COL22A1: variants seen among roughly 807,000 people sequenced by gnomAD.
COL22A1 encodes the protein collagen alpha-1(XXII) chain.
In COL22A1, 221 loss-of-function variants were observed where a neutral mutation model predicts 248.9. The observed-to-expected ratio is 0.89, with a 90% CI of 0.80 to 0.99. COL22A1 has a LOEUF of 0.99. COL22A1 is among the 50% of genes least tolerant of loss of function. The probability of loss-of-function intolerance (pLI) is 0.00; values close to 1 mark genes in which losing one functional copy is unlikely to be tolerated. For synonymous variants in COL22A1, 891 were observed against 793.4 expected (o/e 1.12, Z -2.07); for missense variants, 2,240 against 2,179.0 (o/e 1.03, Z -0.56).
intron 64 of COL22A1, 28 bp downstream of exon 64, chr8:138,591,396 A>G (rs1817029249): frequency 1.3e-6 from 2 of 1,543,504 alleles, no homozygotes; most frequent in African/African-American, 2.8e-5. Context: ...CTCACACCCT[A>G]CCCCTGAGAC....
chr8:138,762,678 A>G lies in COL22A1; in HGVS notation c.1804-212T>C, dbSNP rs541022080. ...GTCTAGGGTCAGAACAACTAGAGTCATCCCTCTGCTTTTCACTTTTCAAAT... is the reference window on the plus strand; with the variant it reads ...GTCTAGGGTCAGAACAACTAGAGTCGTCCCTCTGCTTTTCACTTTTCAAAT... On this transcript the variant is annotated intron_variant, in intron 16 of 64. Coordinates refer to ENST00000303045, the MANE Select transcript of COL22A1 (RefSeq NM_152888.3). 4.6e-5 allele frequency among the ~76,000 whole-genome samples: 7 copies of G among 152,270 alleles called. No homozygotes were observed. In the South Asian group the frequency reaches 1.4e-3, roughly 32 times the overall value.
chr8:138,704,284 C>T (rs1374344263), intron 30 of COL22A1, among the ~76,000 whole-genome samples: 1 of 152,170 alleles, frequency 6.6e-6, no homozygotes, highest in Non-Finnish European at 1.5e-5. Context: ...TAGTGGTTCT[C>T]CCAGCACGGA....
chr8:138,700,795 T>G (rs546596603), intron 31 of COL22A1, among the ~76,000 whole-genome samples: 19 of 152,110 alleles, frequency 1.2e-4, no homozygotes, highest in Non-Finnish European at 2.2e-4. Flanking sequence ...CCGCCCTGGC[T>G]AACATGGTGA....
chr8:138,642,550 G>A (rs1244653571), intron 47 of COL22A1, among the ~76,000 whole-genome samples: 2 of 152,158 alleles, frequency 1.3e-5, no homozygotes, highest in Non-Finnish European at 2.9e-5. Context: ...CTGGATGGAA[G>A]CTTTCTGTTC....
intron 63 of COL22A1, 146 bp from the exon 64 acceptor site, chr8:138,591,647 G>A (rs534772384): frequency 1.2e-4 from 60 of 495,328 alleles, no homozygotes; most frequent in Admixed American, 6.3e-4. Flanking sequence ...CACTCATGCC[G>A]CACAGGACCC....
intron 8 of COL22A1, among the ~76,000 whole-genome samples, chr8:138,812,659 C>T (rs1186530269): frequency 6.6e-6 from 1 of 151,866 alleles, no homozygotes; most frequent in Non-Finnish European, 1.5e-5. Context: ...ATTAGAAACA[C>T]CCTCCCAGCC....
chr8:138,691,026 C>T (rs1405445407), intron 35 of COL22A1, 152 bp from the exon 36 acceptor site: 9 of 577,418 alleles, frequency 1.6e-5, no homozygotes, highest in Middle Eastern at 2.7e-4. Flanking sequence ...ACCTCCTCTC[C>T]GGAGGGCTGT....
chr8:138,867,742 GTAT>G (rs1823005429), intron 3 of COL22A1, among the ~76,000 whole-genome samples: 1 of 152,172 alleles, frequency 6.6e-6, no homozygotes, highest in Non-Finnish European at 1.5e-5. Flanking sequence ...AGAGTAGGTA[GTAT>G]TATTATTGTA....
chr8:138,688,034 G>A (rs972714001), intron 37 of COL22A1, among the ~76,000 whole-genome samples: 1 of 152,196 alleles, frequency 6.6e-6, no homozygotes, highest in African/African-American at 2.4e-5. Context: ...TCCAAACGCT[G>A]AATCATTCAA....
In COL22A1 at chr8:138,663,705, C is replaced by T. The variant is rs371517268; in HGVS notation, c.3186G>A (p.Pro1062=). 3.0e-5 allele frequency: 48 copies of T among 1,607,680 alleles called. No homozygotes were observed. The highest frequency in any genetic ancestry group is 3.3e-4 in the Middle Eastern group (2 of 6,050). The change falls in exon 42 of 65, where the codon CCG becomes CCA. Residue 1062 remains proline (P), a splice_region_variant and synonymous_variant. Transcript: ENST00000303045. ...PSGPPGDKGS[P]GSRGLPGFPG... ...TCCCTTTATTTAAAGCATACTGTAC[C>T]GGGGATCCTTTGTCTCCTGGTGGTC...
intron 59 of COL22A1, among the ~76,000 whole-genome samples, chr8:138,603,907 C>T (rs1435028564): frequency 6.6e-6 from 1 of 152,210 alleles, no homozygotes; most frequent in African/African-American, 2.4e-5. Flanking sequence ...CATAGACCTA[C>T]TTTCTCTGCA....
intron 3 of COL22A1, among the ~76,000 whole-genome samples, chr8:138,849,858 T>C (rs1326093088): frequency 6.6e-6 from 1 of 151,896 alleles, no homozygotes; most frequent in Non-Finnish European, 1.5e-5. Context: ...TCTTAACCAC[T>C]ATCCACAATC....
At chr8:138,605,461 T>C (rs1446922268) in intron 58 of COL22A1, among the ~76,000 whole-genome samples, 5 of 152,150 alleles carry the variant, frequency 3.3e-5, no homozygotes, top group African/African-American at 1.2e-4. Context: ...AGACTTGGCC[T>C]TTAGCAAGGG....
Position 138,872,956 on chromosome 8 carries a change from C to T in COL22A1, c.658+4794G>A, listed in dbSNP as rs1442680327. Among the ~76,000 whole-genome samples the T allele has an allele frequency of 5.3e-5, 8 of 152,286 alleles. No individual in the cohort carries two copies. The East Asian group carries it at 1.5e-3, about 29-fold the overall frequency. The stretch of plus-strand genomic sequence containing the variant: ...GTAAAATGGGGATATTGATTTTTTT[C>T]CAAGTTCGTTTCAGTCATTCATTCA... On this transcript the variant is annotated intron_variant, in intron 3 of 64. Coordinates refer to ENST00000303045, the MANE Select transcript of COL22A1 (RefSeq NM_152888.3).
intron 63 of COL22A1, among the ~76,000 whole-genome samples, chr8:138,591,809 C>T (rs1057042792): frequency 6.6e-6 from 1 of 152,212 alleles, no homozygotes; most frequent in Admixed American, 6.5e-5. Flanking sequence ...TACCCAATTC[C>T]ATACAGACAT....
In COL22A1 at chr8:138,594,094, C is replaced by A. The variant is rs200298766; in HGVS notation, c.4538G>T (p.Arg1513Leu). Residue 1513 changes from arginine (R) to leucine (L), a missense_variant, in exon 63 of 65, where the codon CGG (arginine) becomes CTG (leucine). Physicochemically the swap from Arg to Leu is moderately radical, Grantham distance 102. Transcript: ENST00000303045. Reference protein sequence around the residue: ...GPPGKDGLPGRAGPMGEPGRP... With the variant: ...GPPGKDGLPGLAGPMGEPGRP... Reference sequence around the variant, plus strand: ...ACCTGGCTCCCCCATGGGGCCGGCCCGGCCTGGAAGCCCATCTTTTCCAGG... The same window carrying A: ...ACCTGGCTCCCCCATGGGGCCGGCCAGGCCTGGAAGCCCATCTTTTCCAGG... 7.6e-6 allele frequency: 12 copies of A among 1,585,438 alleles called. No individual in the cohort carries two copies. The South Asian group carries it at 9.1e-5, about 12-fold the overall frequency.
chr8:138,902,999 G>T (rs1814733326), intron 1 of COL22A1, among the ~76,000 whole-genome samples: 1 of 152,138 alleles, frequency 6.6e-6, no homozygotes, highest in Admixed American at 6.5e-5. Flanking sequence ...CCATGGATCA[G>T]ACTGGCGGGG....
intron 16 of COL22A1, among the ~76,000 whole-genome samples, chr8:138,771,315 C>A (rs571161833): frequency 2.3e-4 from 35 of 152,216 alleles, no homozygotes; most frequent in Non-Finnish European, 5.1e-4. Flanking sequence ...GCCTTTCTGA[C>A]CTTCGGGCCT....
At chr8:138,837,763 T>A (rs940269780) in intron 4 of COL22A1, among the ~76,000 whole-genome samples, 10 of 152,168 alleles carry the variant, frequency 6.6e-5, no homozygotes, top group Admixed American at 5.9e-4. Context: ...CAGGGTTCCA[T>A]GAAACTGGTG....
Sources: allele counts gnomAD v4.1 joint callset (sites outside exome capture counted in the v4.1 genomes callset), GRCh38; gene constraint gnomAD v4.1.1; transcripts MANE v1.5; gene names NCBI Gene and HGNC (gene_info 2026-07-23, HGNC 2026-07-21).